Variants in IGLL5 observed in about 807,000 individuals in gnomAD.
IGLL5 encodes immunoglobulin lambda-like polypeptide 5.
In IGLL5, 30 loss-of-function variants were observed where a neutral mutation model predicts 20.9. The observed-to-expected ratio is 1.44, with a 90% CI of 1.07 to 1.95. The LOEUF (loss-of-function observed/expected upper bound fraction) is 1.95, where lower values mean the gene tolerates loss of function less well. Among genes scored for constraint, IGLL5 ranks in the 30% most tolerant of loss-of-function variants. The pLI, the probability that IGLL5 is intolerant of heterozygous loss-of-function variation, is 0.00. For synonymous variants in IGLL5, 203 were observed against 117.3 expected (o/e 1.73, Z -4.72); for missense variants, 475 against 270.7 (o/e 1.75, Z -5.30).
chr22:22,888,655 C>G (rs540833055), intron 1 of IGLL5, among the ~76,000 whole-genome samples: 2 of 151,268 alleles, frequency 1.3e-5, no homozygotes, highest in East Asian at 2.0e-4. Context: ...TGCCCATGTG[C>G]CTCCTGCCCA....
At chr22:22,893,399 T>A in intron 1 of IGLL5, among the ~76,000 whole-genome samples, 1 of 151,020 alleles carries the variant, frequency 6.6e-6, no homozygotes, top group Non-Finnish European at 1.5e-5. Flanking sequence ...CAGAGGCCCT[T>A]TAAATGAGGC....
chr22:22,895,661 G>C lies in IGLL5; in HGVS notation c.612G>C (p.Val204=). ...AGGTCACGCATGAAGGGAGCACCGTGGAGAAGACAGTGGCCCCTACAGAAT... is the reference window on the plus strand; with the variant it reads ...AGGTCACGCATGAAGGGAGCACCGTCGAGAAGACAGTGGCCCCTACAGAAT... ...SCQVTHEGST[V]EKTVAPTECS is the part of the protein sequence containing the mutation. Residue 204 remains valine (V), a synonymous_variant, in exon 3 of 3, where the codon GTG becomes GTC. Coordinates refer to ENST00000526893, the MANE Select transcript of IGLL5 (RefSeq NM_001178126.2). 1 of 1,613,268 alleles carries C rather than the reference G, an allele frequency of 6.2e-7. No homozygotes were observed. The highest frequency in any genetic ancestry group is 8.5e-7 in the Non-Finnish European group (1 of 1,179,760).
Position 22,887,956 on chromosome 22 carries a change from T to A in IGLL5, c.-98T>A, listed in dbSNP as rs541758193. 5.3e-6 allele frequency: 5 copies of A among 938,320 alleles called. No individual in the cohort carries two copies. The highest frequency in any genetic ancestry group is 2.6e-5 in the East Asian group (1 of 37,870). 58.1% of individuals were successfully genotyped at this position (938,320 alleles called of 1,614,324 possible). The stretch of plus-strand genomic sequence containing the variant: ...AGGACAGAGCCAATGGACTGGGGTG[T>A]ACTGTAACAGCCCTGCTGGCGAGAG... On this transcript the variant is annotated 5_prime_UTR_variant, in exon 1 of 3. Coordinates refer to ENST00000526893, the MANE Select transcript of IGLL5 (RefSeq NM_001178126.2).
intron 1 of IGLL5, among the ~76,000 whole-genome samples, chr22:22,888,731 C>T (rs548594069): frequency 1.3e-5 from 2 of 151,422 alleles, no homozygotes; most frequent in East Asian, 4.1e-4. Flanking sequence ...CCAAGGCTGT[C>T]TGTTCACCAA....
Position 22,894,990 on chromosome 22 carries a change from A to G in IGLL5, c.326-385A>G, listed in dbSNP as rs771640450. Among the ~76,000 whole-genome samples, 7 of 151,436 alleles carry G rather than the reference A, an allele frequency of 4.6e-5. 1 individual carries two copies. The Admixed American group carries it at 4.6e-4, about 10-fold the overall frequency. On this transcript the variant is annotated intron_variant, in intron 2 of 2. Coordinates refer to ENST00000526893, the MANE Select transcript of IGLL5 (RefSeq NM_001178126.2). ...TCACGGAGGAGGCTCTAGGTCCTGG[A>G]AGAATAAAGTGGGTGATGGAGGGGG...
chr22:22,894,411 G>A (rs755947800), intron 2 of IGLL5, among the ~76,000 whole-genome samples: 7 of 151,452 alleles, frequency 4.6e-5, no homozygotes, highest in African/African-American at 9.7e-5. Flanking sequence ...GGACACAGAG[G>A]GACGGGTGAG....
intron 1 of IGLL5, among the ~76,000 whole-genome samples, chr22:22,891,768 T>C (rs546866756): frequency 6.6e-6 from 1 of 151,456 alleles, no homozygotes; most frequent in East Asian, 2.0e-4. Context: ...ATTGAAGTTA[T>C]AAATTTTTTC....
intron 1 of IGLL5, among the ~76,000 whole-genome samples, chr22:22,889,505 G>A (rs771982488): frequency 2.0e-5 from 3 of 151,326 alleles, no homozygotes; most frequent in African/African-American, 4.8e-5. Flanking sequence ...GGTTAGCTCA[G>A]CATTATTAGT....
intron 2 of IGLL5, among the ~76,000 whole-genome samples, chr22:22,894,789 G>GTA: frequency 6.6e-6 from 1 of 151,380 alleles, no homozygotes; most frequent in African/African-American, 2.4e-5. Flanking sequence ...AGCCTCAGAG[G>GTA]AGCCCTGAGG....
At chr22:22,889,326 T>C (rs2145994296) in intron 1 of IGLL5, among the ~76,000 whole-genome samples, 1 of 151,024 alleles carries the variant, frequency 6.6e-6, no homozygotes, top group African/African-American at 2.4e-5. Flanking sequence ...GCAGACACGC[T>C]CGGGGACTGT....
At chr22:22,894,422 A>T (rs564232278) in intron 2 of IGLL5, among the ~76,000 whole-genome samples, 2 of 151,396 alleles carry the variant, frequency 1.3e-5, no homozygotes, top group South Asian at 2.1e-4. Context: ...GACGGGTGAG[A>T]CTGGGTGAGG....
rs1401799268 is a variant in IGLL5 at position 22,894,625 on chromosome 22, G to A, written c.326-750G>A. On this transcript the variant is annotated intron_variant, in intron 2 of 2. Coordinates refer to ENST00000526893, the MANE Select transcript of IGLL5 (RefSeq NM_001178126.2). The stretch of plus-strand genomic sequence containing the variant: ...GAGGGGAGTGAATGAGGGGTGCAGA[G>A]AACTCCATGGCTACCAGGTGAAGTT... 3.3e-5 allele frequency among the ~76,000 whole-genome samples: 5 copies of A among 150,994 alleles called. 1 individual carries two copies. The highest frequency in any genetic ancestry group is 4.1e-4 in the East Asian group (2 of 4,876).
intron 2 of IGLL5, among the ~76,000 whole-genome samples, chr22:22,894,153 G>A (rs1601624019): frequency 2.0e-5 from 3 of 151,512 alleles, no homozygotes; most frequent in East Asian, 2.0e-4. Flanking sequence ...ACATTGCCCA[G>A]TGACTCCTGG....
intron 2 of IGLL5, among the ~76,000 whole-genome samples, chr22:22,895,124 G>A (rs1465947542): frequency 6.6e-6 from 1 of 151,346 alleles, no homozygotes. Flanking sequence ...TGGAGAAATT[G>A]AGGCTGTAGA....
intron 1 of IGLL5, among the ~76,000 whole-genome samples, chr22:22,888,743 T>C (rs555813997): frequency 4.6e-5 from 7 of 151,318 alleles, no homozygotes; most frequent in South Asian, 2.1e-4. Context: ...GTTCACCAAC[T>C]TGCACATAAA....
chr22:22,888,809 C>T lies in IGLL5; in HGVS notation c.206+550C>T, dbSNP rs138611643. On this transcript the variant is annotated intron_variant, in intron 1 of 2. Coordinates refer to ENST00000526893, the MANE Select transcript of IGLL5 (RefSeq NM_001178126.2). ...GGAGGGTGGGATGAACCGAGGGGAG[C>T]TGTCCAGTCATTGGAACAGGCCCAC... Among the ~76,000 whole-genome samples, 17 of 151,324 alleles carry T rather than the reference C, an allele frequency of 1.1e-4. 1 individual carries two copies. The highest frequency in any genetic ancestry group is 6.3e-4 in the South Asian group (3 of 4,742).
chr22:22,889,469 T>G (rs929093839), intron 1 of IGLL5, among the ~76,000 whole-genome samples: 5 of 151,262 alleles, frequency 3.3e-5, no homozygotes, highest in African/African-American at 9.7e-5. Context: ...TAATCAAAGC[T>G]GTAACCAAAT....
intron 1 of IGLL5, among the ~76,000 whole-genome samples, chr22:22,888,901 C>T (rs546818730): frequency 2.0e-5 from 3 of 151,322 alleles, no homozygotes; most frequent in African/African-American, 4.8e-5. Flanking sequence ...GCTGGTCTCA[C>T]AGATCGAGGG....
intron 2 of IGLL5, 138 bp downstream of exon 2, chr22:22,893,956 AGG>A: frequency 1.4e-6 from 1 of 713,466 alleles, no homozygotes; most frequent in African/African-American, 1.7e-5. Flanking sequence ...TGGGGCCTGG[AGG>A]AGGTGCATTA....
Sources: allele counts gnomAD v4.1 joint callset (sites outside exome capture counted in the v4.1 genomes callset), GRCh38; gene constraint gnomAD v4.1.1; transcripts MANE v1.5; gene names NCBI Gene and HGNC (gene_info 2026-07-23, HGNC 2026-07-21).